Variants in ADAMTS18 observed in about 807,000 individuals in gnomAD.
ADAMTS18 encodes ADAM metallopeptidase with thrombospondin type 1 motif 18.
A neutral mutation model predicts 165.9 loss-of-function variants in ADAMTS18; 157 were observed. The observed-to-expected ratio is 0.95, with a 90% CI of 0.83 to 1.08. The LOEUF is 1.08. Ranked by LOEUF, ADAMTS18 falls within the 50% of genes least tolerant of loss-of-function variation. The pLI, the probability that ADAMTS18 is intolerant of heterozygous loss-of-function variation, is 0.00. For missense variants in ADAMTS18, 2,040 were observed against 1,534.0 expected (o/e 1.33, Z -5.51); for synonymous variants, 782 against 578.2 (o/e 1.35, Z -5.06).
At chr16:77,404,019 CCCTCCCTACCGT>C (rs2057364166) in intron 3 of ADAMTS18, among the ~76,000 whole-genome samples, 1 of 144,660 alleles carries the variant, frequency 6.9e-6, no homozygotes, top group South Asian at 2.3e-4. Context: ...CTCCCTCCCT[CCCTCCCTACCGT>C]CCTCCCTTCC....
intron 11 of ADAMTS18, among the ~76,000 whole-genome samples, chr16:77,341,042 A>G (rs1169051789): frequency 1.3e-5 from 2 of 152,226 alleles, no homozygotes; most frequent in South Asian, 2.1e-4. Context: ...ATCATTTACT[A>G]GTAGCCCAAA....
chr16:77,434,077 T>C (rs549510659), intron 2 of ADAMTS18, among the ~76,000 whole-genome samples: 181 of 151,770 alleles, frequency 1.2e-3, no homozygotes, highest in Non-Finnish European at 2.2e-3. Flanking sequence ...CCAACAAGAG[T>C]TAGGAGAGGG....
chr16:77,385,911 G>A (rs186815479), intron 3 of ADAMTS18, among the ~76,000 whole-genome samples: 208 of 152,284 alleles, frequency 1.4e-3, no homozygotes, highest in African/African-American at 4.8e-3. Context: ...TAGCAATTGT[G>A]CAGTCCATCC....
At chr16:77,297,448 T>C in intron 17 of ADAMTS18, 33 bp from the exon 18 acceptor site, 1 of 1,589,872 alleles carries the variant, frequency 6.3e-7, no homozygotes, top group Non-Finnish European at 8.6e-7. Context: ...AAAGTGAAAA[T>C]TACAGATTAT....
chr16:77,338,487 G>A (rs8047766), intron 11 of ADAMTS18, among the ~76,000 whole-genome samples: 3,174 of 151,532 alleles, frequency 0.021, 111 homozygotes, highest in African/African-American at 0.073. Context: ...TATGCCCGCC[G>A]AGGCCCCCCA....
In ADAMTS18 at chr16:77,397,268, A is replaced by C. The variant is rs577939204; in HGVS notation, c.496-29545T>G. Among the ~76,000 whole-genome samples, 3 of 152,358 alleles carry C rather than the reference A, an allele frequency of 2.0e-5. No individual in the cohort carries two copies. The South Asian group carries it at 6.2e-4, about 32-fold the overall frequency. On this transcript the variant is annotated intron_variant, in intron 3 of 22. Coordinates refer to ENST00000282849, the MANE Select transcript of ADAMTS18 (RefSeq NM_199355.4). The stretch of plus-strand genomic sequence containing the variant: ...AACTTTGTGTATTTATTCCTACATA[A>C]GTGAAATACACTGTATACAAAAGAA...
chr16:77,300,452 C>T (rs769682364), intron 16 of ADAMTS18, 48 bp from the exon 17 acceptor site: 2 of 1,604,070 alleles, frequency 1.2e-6, no homozygotes, highest in Non-Finnish European at 1.7e-6. Context: ...AGGTCAGACC[C>T]TGGAATTCCA....
chr16:77,376,809 C>CCT (rs1402637370), intron 3 of ADAMTS18, among the ~76,000 whole-genome samples: 2 of 103,484 alleles, frequency 1.9e-5, no homozygotes, highest in Admixed American at 1.1e-4. Context: ...CTAAATCATT[C>CCT]TTTTTTTTTT....
intron 3 of ADAMTS18, among the ~76,000 whole-genome samples, chr16:77,427,734 C>T (rs2057691308): frequency 6.6e-6 from 1 of 152,150 alleles, no homozygotes; most frequent in South Asian, 2.1e-4. Context: ...ATGAATTATT[C>T]CAAGTAAGTA....
chr16:77,316,092 G>C (rs1334883672), intron 16 of ADAMTS18, among the ~76,000 whole-genome samples: 1 of 152,100 alleles, frequency 6.6e-6, no homozygotes, highest in African/African-American at 2.4e-5. Context: ...CTAGCTTCCA[G>C]TTCTCTACCA....
intron 3 of ADAMTS18, among the ~76,000 whole-genome samples, chr16:77,391,567 G>A (rs1013169851): frequency 1.3e-5 from 2 of 151,922 alleles, no homozygotes; most frequent in African/African-American, 4.8e-5. Context: ...AATTGTTTGA[G>A]TATTCCTAAC....
intron 3 of ADAMTS18, among the ~76,000 whole-genome samples, chr16:77,399,064 T>G (rs1334542111): frequency 6.6e-6 from 1 of 152,224 alleles, no homozygotes; most frequent in East Asian, 1.9e-4. Context: ...GGAACAATCC[T>G]TTGTGGGAAA....
At chr16:77,300,615 G>T (rs2055564296) in intron 16 of ADAMTS18, among the ~76,000 whole-genome samples, 1 of 152,004 alleles carries the variant, frequency 6.6e-6, no homozygotes, top group African/African-American at 2.4e-5. Context: ...CTGTGATTTA[G>T]GTAGATGCTA....
At chr16:77,410,658 G>A (rs991935411) in intron 3 of ADAMTS18, among the ~76,000 whole-genome samples, 1 of 152,174 alleles carries the variant, frequency 6.6e-6, no homozygotes, top group African/African-American at 2.4e-5. Flanking sequence ...ATCTTGGCAG[G>A]TAGCCAGAGA....
intron 3 of ADAMTS18, among the ~76,000 whole-genome samples, chr16:77,391,516 G>C (rs1183279869): frequency 6.6e-6 from 1 of 150,720 alleles, no homozygotes; most frequent in African/African-American, 2.4e-5. Flanking sequence ...CAAGAGGCTT[G>C]GGACAAATGA....
At chr16:77,417,164 G>A (rs1338877152) in intron 3 of ADAMTS18, among the ~76,000 whole-genome samples, 1 of 151,882 alleles carries the variant, frequency 6.6e-6, no homozygotes, top group Non-Finnish European at 1.5e-5. Context: ...AAGAATTTAG[G>A]AATCAAACTA....
intron 3 of ADAMTS18, among the ~76,000 whole-genome samples, chr16:77,427,204 T>C (rs1233284204): frequency 6.6e-6 from 1 of 152,184 alleles, no homozygotes; most frequent in Non-Finnish European, 1.5e-5. Flanking sequence ...TTTTCAGCCC[T>C]TCAAGTGAAG....
rs745808140 is a variant in ADAMTS18 at position 77,320,108 on chromosome 16, G to A, written c.2288-15C>T. 5.6e-6 allele frequency: 9 copies of A among 1,614,036 alleles called. No homozygotes were observed. Among genetic ancestry groups the A allele is most frequent in the Middle Eastern group, 1.7e-4 (1 of 6,050 alleles). On this transcript the variant is annotated splice_polypyrimidine_tract_variant and intron_variant, in intron 15 of 22. Transcript: ENST00000282849. ...CGGATAATATTCTAAATGGAAAGAA[G>A]AGAACATGTCTGAATTCCACCCCAT... is the stretch of plus-strand genomic sequence containing the variant.
chr16:77,316,907 T>C (rs988592623), intron 16 of ADAMTS18, among the ~76,000 whole-genome samples: 2 of 152,098 alleles, frequency 1.3e-5, no homozygotes, highest in Non-Finnish European at 2.9e-5. Context: ...TCTCAAGCAA[T>C]CCACCTACCT....
Sources: allele counts gnomAD v4.1 joint callset (sites outside exome capture counted in the v4.1 genomes callset), GRCh38; gene constraint gnomAD v4.1.1; transcripts MANE v1.5; gene names NCBI Gene and HGNC (gene_info 2026-07-23, HGNC 2026-07-21).